Variants in SCN1A observed in about 807,000 individuals in gnomAD.
The protein encoded by SCN1A is sodium channel protein type 1 subunit alpha.
A neutral mutation model predicts 193.7 loss-of-function variants in SCN1A; 13 were observed. That is an observed-to-expected ratio of 0.07 (90% confidence interval 0.04 to 0.11). The LOEUF (loss-of-function observed/expected upper bound fraction) is 0.11. Among genes scored for constraint, SCN1A ranks in the 10% least tolerant of loss-of-function variants. The pLI is 1.00. For synonymous variants in SCN1A, 781 were observed against 843.6 expected (o/e 0.93, Z 1.29); for missense variants, 1,432 against 2,451.1 (o/e 0.58, Z 8.78).
Position 166,073,554 on chromosome 2 carries a change from G to T in SCN1A, c.68C>A (p.Ala23Glu), listed in dbSNP as rs139397227. 6 of 1,614,110 alleles carry T rather than the reference G, an allele frequency of 3.7e-6. No individual in the cohort carries two copies. Among genetic ancestry groups the T allele is most frequent in the East Asian group, 4.5e-5 (2 of 44,878 alleles). ...SFNFFTRESL[A>E]AIERRIAEEK... The stretch of plus-strand genomic sequence containing the variant: ...TTCTGCAATGCGTCTTTCAATAGCC[G>T]CAAGAGATTCTCTGGTGAAGAAGTT... Residue 23 changes from alanine to glutamate, a missense_variant, in exon 4 of 29, where the codon GCG (alanine) becomes GAG (glutamate). By Grantham distance (107) the Ala-to-Glu change is moderately radical. This residue lies in a region of SCN1A where 55 missense variants were observed against 58.4 expected (regional missense o/e 0.94). Transcript: ENST00000674923.
chr2:166,045,589 T>C (rs188029345), intron 12 of SCN1A, among the ~76,000 whole-genome samples: 6 of 152,244 alleles, frequency 3.9e-5, no homozygotes, highest in Admixed American at 6.5e-5. Context: ...TTCAAAAATA[T>C]CCAACATGTA....
chr2:166,089,084 A>G (rs931896890), intron 2 of SCN1A, among the ~76,000 whole-genome samples: 11 of 152,330 alleles, frequency 7.2e-5, no homozygotes, highest in African/African-American at 2.6e-4. Context: ...TTTGTTACAT[A>G]GGTATACACG....
At chr2:166,122,239 A>G (rs1306803588) in intron 2 of SCN1A, among the ~76,000 whole-genome samples, 2 of 152,220 alleles carry the variant, frequency 1.3e-5, no homozygotes, top group Non-Finnish European at 2.9e-5. Flanking sequence ...CATACTAGCA[A>G]CATATATTAC....
chr2:166,106,428 T>C (rs1688701193), intron 2 of SCN1A, among the ~76,000 whole-genome samples: 1 of 151,988 alleles, frequency 6.6e-6, no homozygotes, highest in Non-Finnish European at 1.5e-5. Flanking sequence ...AAGCCCTCTT[T>C]CTCTACAGCA....
At chr2:166,129,891 G>GGTTTCC (rs1691583077), upstream of SCN1A, among the ~76,000 whole-genome samples, 1 of 152,052 alleles carries the variant, frequency 6.6e-6, no homozygotes, top group Non-Finnish European at 1.5e-5. Flanking sequence ...TGCTACAGAG[G>GGTTTCC]ACTGGAGCAA....
chr2:166,098,438 C>G (rs1012466962), intron 2 of SCN1A, among the ~76,000 whole-genome samples: 1 of 152,096 alleles, frequency 6.6e-6, no homozygotes, highest in Non-Finnish European at 1.5e-5. Flanking sequence ...TCCCTAAGAA[C>G]TGAAACGAAA....
intron 6 of SCN1A, among the ~76,000 whole-genome samples, chr2:166,055,618 G>A (rs1455407582): frequency 6.6e-6 from 1 of 151,936 alleles, no homozygotes; most frequent in East Asian, 1.9e-4. Flanking sequence ...TGAAGGTAAT[G>A]GCAAAAACCA....
At chr2:165,984,661 A>T (rs774349223), downstream of SCN1A, 1 of 152,024 alleles carries the variant, frequency 6.6e-6, no homozygotes, top group African/African-American at 2.4e-5. Context: ...GTTGCATTCC[A>T]TGAGGAGAAA....
chr2:166,038,266 G>T, intron 17 of SCN1A, 134 bp from the exon 18 acceptor site: 1 of 712,746 alleles, frequency 1.4e-6, no homozygotes. Context: ...CAGGCTCATG[G>T]CTAATTTTTG....
chr2:166,105,676 G>A (rs1012945836), intron 2 of SCN1A, among the ~76,000 whole-genome samples: 2 of 152,144 alleles, frequency 1.3e-5, no homozygotes, highest in Non-Finnish European at 1.5e-5. Flanking sequence ...TTATTTCTCA[G>A]TGGAAATGCT....
At chr2:166,045,603 A>T (rs1697741734) in intron 12 of SCN1A, among the ~76,000 whole-genome samples, 1 of 152,202 alleles carries the variant, frequency 6.6e-6, no homozygotes, top group South Asian at 2.1e-4. Flanking sequence ...ACATGTATCA[A>T]CAAGAAAATA....
At position 166,073,550 on chromosome 2, in the gene SCN1A, A is replaced by G. The variant is rs922097254; in HGVS notation, c.72T>C (p.Ala24=). Residue 24 remains alanine (A), a synonymous_variant, in exon 4 of 29, where the codon GCT becomes GCC. Transcript: ENST00000674923. ...TTTCTTCTGCAATGCGTCTTTCAATAGCCGCAAGAGATTCTCTGGTGAAGA... is the reference window on the plus strand; with the variant it reads ...TTTCTTCTGCAATGCGTCTTTCAATGGCCGCAAGAGATTCTCTGGTGAAGA... ...FNFFTRESLA[A]IERRIAEEKA... is the part of the protein sequence containing the mutation. The G allele has an allele frequency of 5.0e-6, 8 of 1,614,122 alleles. No homozygotes were observed. In the African/African-American group the frequency reaches 1.1e-4, roughly 22 times the overall value.
rs1056601893 is a variant in SCN1A, at chr2:165,985,933, C to G, written c.*5312G>C. On this transcript the variant is annotated 3_prime_UTR_variant, in exon 29 of 29. Transcript: ENST00000674923. ...TTTAGTGCGACAAGTTTATATAGTT[C>G]GAGTGTCTGGGCTTTGTGATACAGA... 2 of 152,074 alleles carry G rather than the reference C, an allele frequency of 1.3e-5. No homozygotes were observed. The highest frequency in any genetic ancestry group is 4.8e-5 in the African/African-American group (2 of 41,408). 9.4% of individuals were successfully genotyped at this position (152,074 alleles called of 1,614,324 possible).
At chr2:166,097,612 T>C (rs959570280) in intron 2 of SCN1A, among the ~76,000 whole-genome samples, 57 of 151,600 alleles carry the variant, frequency 3.8e-4, no homozygotes, top group African/African-American at 1.2e-3. Context: ...AATAGGGTCT[T>C]GCCCTGTCAC....
At chr2:166,146,948 A>G (rs114770681) in intron 1 of SCN1A, among the ~76,000 whole-genome samples, 1 of 152,358 alleles carries the variant, frequency 6.6e-6, no homozygotes, top group Non-Finnish European at 1.5e-5. Context: ...GACAATATGT[A>G]TTTAACTATA....
chr2:166,055,181 A>T (rs1699001821), intron 6 of SCN1A, among the ~76,000 whole-genome samples: 1 of 123,284 alleles, frequency 8.1e-6, no homozygotes, highest in Non-Finnish European at 1.8e-5. Flanking sequence ...GAAACTGACA[A>T]ATTAGCACGT....
At chr2:166,088,738 T>C (rs1048759048) in intron 2 of SCN1A, among the ~76,000 whole-genome samples, 3 of 152,194 alleles carry the variant, frequency 2.0e-5, no homozygotes, top group South Asian at 4.1e-4. Flanking sequence ...TGTTTTAGAA[T>C]GTTACCAAGT....
At chr2:166,132,803 T>C (rs944614872), upstream of SCN1A, among the ~76,000 whole-genome samples, 2 of 152,154 alleles carry the variant, frequency 1.3e-5, no homozygotes, top group Non-Finnish European at 2.9e-5. Context: ...TTTTCAAATA[T>C]GATATAAAAA....
At position 166,043,788 on chromosome 2, in the gene SCN1A, G is replaced by C; in HGVS notation, c.1924C>G (p.His642Asp). 6.2e-7 allele frequency: 1 copy of C among 1,614,178 alleles called. No homozygotes were observed. Among genetic ancestry groups the C allele is most frequent in the Non-Finnish European group, 8.5e-7 (1 of 1,180,026 alleles). Residue 642 changes from histidine to aspartate, a missense_variant, in exon 14 of 29, where the codon CAC (histidine) becomes GAC (aspartate). Around this residue, in one of 18 missense-constraint regions of SCN1A, gnomAD observed 316 missense variants for 362.1 expected, o/e 0.87. Coordinates refer to ENST00000674923, the MANE Select transcript of SCN1A (RefSeq NM_001165963.4). ...LAVFPANGKMHSTVDCNGVVS... is the reference protein window; with the variant it reads ...LAVFPANGKMDSTVDCNGVVS... ...ACACCATTGCAATCCACAGTGCTGTGCATCTTCCCATTCGCTGGAAACACT... is the reference window on the plus strand; with the variant it reads ...ACACCATTGCAATCCACAGTGCTGTCCATCTTCCCATTCGCTGGAAACACT...
Sources: allele counts gnomAD v4.1 joint callset (sites outside exome capture counted in the v4.1 genomes callset), GRCh38; gene constraint gnomAD v4.1.1; regional missense constraint gnomAD v4.1.1; transcripts MANE v1.5; gene names NCBI Gene and HGNC (gene_info 2026-07-23, HGNC 2026-07-21).